Variants in RAD1 observed in about 807,000 individuals in gnomAD.
RAD1 encodes RAD1 checkpoint DNA exonuclease, also known as cell cycle checkpoint protein RAD1.
RAD1 carries 21 observed loss-of-function variants against 30.0 expected under a neutral mutation model. That is an observed-to-expected ratio of 0.70 (90% CI 0.50 to 1.01). RAD1 has a LOEUF of 1.01. Among genes scored for constraint, RAD1 ranks in the 50% least tolerant of loss-of-function variants. The pLI, the probability that RAD1 is intolerant of heterozygous loss-of-function variation, is 0.00. For missense variants in RAD1, 329 were observed against 329.0 expected, an observed-to-expected ratio of 1.00 and a Z score of 0.00; for synonymous variants, 109 against 113.6, an observed-to-expected ratio of 0.96 and a Z score of 0.26.
chr5:34,905,397 TAGC>T lies in RAD1; in HGVS notation c.*3365_*3367del, dbSNP rs1395264004. The T allele has an allele frequency of 2.0e-5, 3 of 152,226 alleles. No homozygotes were observed. Among genetic ancestry groups the T allele is most frequent in the Admixed American group, 2.0e-4 (3 of 15,288 alleles). 9.4% of individuals were successfully genotyped at this position (152,226 alleles called of 1,614,324 possible). A position where few individuals can be genotyped will look rare whatever the true frequency, so the allele number is the denominator to read the frequency against. On this transcript the variant is annotated 3_prime_UTR_variant, in exon 6 of 6. Coordinates refer to ENST00000382038, the MANE Select transcript of RAD1 (RefSeq NM_002853.4). ...TTGAGAGTGCCACATTCTGCCCTTT[TAGC>T]AATTTTAATTAATTTTTACTAGGAC...
intron 3 of RAD1, among the ~76,000 whole-genome samples, chr5:34,912,370 A>C (rs111980846): frequency 3.9e-4 from 59 of 152,352 alleles, no homozygotes; most frequent in African/African-American, 1.3e-3. Context: ...AAACCACTAG[A>C]GGGAAGGAGG....
rs1238822386 is a variant in RAD1, at chr5:34,907,515, A to AT, written c.*1249dup. The AT allele has an allele frequency of 6.6e-6, 1 of 152,334 alleles. No homozygotes were observed. Among genetic ancestry groups the AT allele is most frequent in the Non-Finnish European group, 1.5e-5 (1 of 68,030 alleles). The allele number at this position is 152,334 out of a possible 1,614,324, so 9.4% of individuals were successfully genotyped here. Reference sequence around the variant, plus strand: ...ATTTTTTCTACTAGACAGGAAGATAATTTTTGCATTTTATTAAATATATTT... The same window carrying AT: ...ATTTTTTCTACTAGACAGGAAGATAATTTTTTGCATTTTATTAAATATATTT... On this transcript the variant is annotated 3_prime_UTR_variant, in exon 6 of 6. Transcript: ENST00000382038.
chr5:34,906,143 T>C lies in RAD1; in HGVS notation c.*2622A>G, dbSNP rs1477727466. The C allele has an allele frequency of 6.6e-6, 1 of 151,686 alleles. No individual in the cohort carries two copies. The highest frequency in any genetic ancestry group is 2.4e-5 in the African/African-American group (1 of 41,284). 9.4% of individuals were successfully genotyped at this position (151,686 alleles called of 1,614,324 possible). On this transcript the variant is annotated 3_prime_UTR_variant, in exon 6 of 6. Coordinates refer to ENST00000382038, the MANE Select transcript of RAD1 (RefSeq NM_002853.4). ...CTAATTTTTGTATTTTTAGTAGAGG[T>C]AGGGGTTTCACCATGTTGGCCAGGC...
At chr5:34,914,029 G>C (rs1273413171) in intron 2 of RAD1, 9 of 456,328 alleles carry the variant, frequency 2.0e-5, no homozygotes, top group Non-Finnish European at 3.5e-5. Flanking sequence ...CCATGCCCCT[G>C]CATGAGGACA....
intron 4 of RAD1, 99 bp from the exon 5 acceptor site, chr5:34,909,455 G>T: frequency 5.3e-6 from 4 of 761,276 alleles, no homozygotes; most frequent in Non-Finnish European, 2.2e-6. Context: ...CATACTAGTG[G>T]GTGAAACAGA....
At chr5:34,912,883 C>T (rs1763896177) in intron 3 of RAD1, among the ~76,000 whole-genome samples, 1 of 152,068 alleles carries the variant, frequency 6.6e-6, no homozygotes, top group Admixed American at 6.6e-5. Context: ...TGCCTGTAAT[C>T]CCAGCTACTC....
chr5:34,913,619 TA>T, intron 2 of RAD1, 41 bp from the exon 3 acceptor site: 1 of 1,193,046 alleles, frequency 8.4e-7, no homozygotes, highest in Non-Finnish European at 1.2e-6. Flanking sequence ...CATAAAAGAA[TA>T]AAAACTAATA....
chr5:34,911,345 C>A (rs1440117434), intron 4 of RAD1, among the ~76,000 whole-genome samples: 2 of 152,120 alleles, frequency 1.3e-5, no homozygotes, highest in East Asian at 3.9e-4. Flanking sequence ...CATCTAGATG[C>A]CACCACCACC....
chr5:34,915,394 TC>T (rs1764030255), intron 1 of RAD1, 21 bp downstream of exon 1: 6 of 235,838 alleles, frequency 2.5e-5, no homozygotes, highest in Non-Finnish European at 4.9e-5. Flanking sequence ...AGTCTCGGGG[TC>T]CCCGAGTGCG....
In RAD1 at chr5:34,914,683, C is replaced by T. The variant is rs762824559; in HGVS notation, c.198+12G>A. 3.1e-6 allele frequency: 5 copies of T among 1,614,016 alleles called. No individual in the cohort carries two copies. The South Asian group carries it at 3.3e-5, about 11-fold the overall frequency. ...ATCTATGGCACAGGCTTAAAGGCGC[C>T]TACTTCCATACCTGAATAAAAGCAT... On this transcript the variant is annotated intron_variant, in intron 2 of 5. Coordinates refer to ENST00000382038, the MANE Select transcript of RAD1 (RefSeq NM_002853.4).
chr5:34,914,745 T>C lies in RAD1; in HGVS notation c.148A>G (p.Lys50Glu), dbSNP rs1472276071. The C allele has an allele frequency of 6.2e-7, 1 of 1,614,264 alleles. No homozygotes were observed. The highest frequency in any genetic ancestry group is 8.5e-7 in the Non-Finnish European group (1 of 1,180,052). Reference protein sequence around the residue: ...ATCFATKNGIKVTVENAKCVQ... With the variant: ...ATCFATKNGIEVTVENAKCVQ... ...CACTTTGCATTTTCCACTGTTACTT[T>C]GATACCATTTTTAGTTGCGAAACAC... The change falls in exon 2 of 6, where the codon AAA becomes GAA. Residue 50 changes from lysine to glutamate, a missense_variant. Lys to Glu is a moderately conservative substitution (Grantham distance 56, BLOSUM62 1). Transcript: ENST00000382038.
At chr5:34,913,633 A>G (rs1043610385) in intron 2 of RAD1, 55 bp from the exon 3 acceptor site, 2 of 1,058,866 alleles carry the variant, frequency 1.9e-6, no homozygotes, top group African/African-American at 3.2e-5. Flanking sequence ...AACTAATAAT[A>G]TAAGGTCCTA....
chr5:34,909,369 A>AGGTAATCAT lies in RAD1; in HGVS notation c.567-14_567-13insATGATTACC. 2 of 1,530,330 alleles carry AGGTAATCAT rather than the reference A, an allele frequency of 1.3e-6. No homozygotes were observed. The highest frequency in any genetic ancestry group is 1.8e-6 in the Non-Finnish European group (2 of 1,106,766). The allele number at this position is 1,530,330 out of a possible 1,614,324, so 94.8% of individuals were successfully genotyped here. A position where few individuals can be genotyped will look rare whatever the true frequency, so the allele number is the denominator to read the frequency against. ...AAAAGTAGATAACCTATAGAAAATG[A>AGGTAATCAT]TTACCTCATTTATTCATTCATCCAA... On this transcript the variant is annotated splice_polypyrimidine_tract_variant and intron_variant, in intron 4 of 5. Coordinates refer to ENST00000382038, the MANE Select transcript of RAD1 (RefSeq NM_002853.4).
chr5:34,914,256 C>T (rs1437815640), intron 2 of RAD1, among the ~76,000 whole-genome samples: 1 of 152,192 alleles, frequency 6.6e-6, no homozygotes, highest in African/African-American at 2.4e-5. Flanking sequence ...AAATATTCAG[C>T]GTTCTTATCC....
In RAD1 at chr5:34,911,738, C is replaced by T. The variant is rs754945132; in HGVS notation, c.382G>A (p.Val128Met). Residue 128 changes from valine (V) to methionine (M), a missense_variant, in exon 4 of 6, where the codon GTG (valine) becomes ATG (methionine). Transcript: ENST00000382038. ...PLMLFLEEGG[V>M]VTVCKINTQE... Reference sequence around the variant, plus strand: ...GTATTGATTTTGCAGACTGTCACCACTCCTCCTTCTTCCAGGAACAGCATC... The same window carrying T: ...GTATTGATTTTGCAGACTGTCACCATTCCTCCTTCTTCCAGGAACAGCATC... 1.4e-5 allele frequency: 23 copies of T among 1,614,056 alleles called. No homozygotes were observed. In the South Asian group the frequency reaches 2.4e-4, roughly 17 times the overall value.
At chr5:34,913,397 T>G in intron 3 of RAD1, 73 bp downstream of exon 3, 1 of 834,422 alleles carries the variant, frequency 1.2e-6, no homozygotes, top group Non-Finnish European at 1.8e-6. Context: ...ATGTTTATGT[T>G]CCAAATAACT....
chr5:34,914,470 T>C (rs762786923), intron 2 of RAD1: 4 of 555,700 alleles, frequency 7.2e-6, no homozygotes, highest in Non-Finnish European at 1.3e-5. Flanking sequence ...ATTATCTCTG[T>C]AAAACAAGAT....
chr5:34,907,564 TG>T lies in RAD1; in HGVS notation c.*1200del, dbSNP rs1381863139. ...TTATATGCCACAAAAATTATTTTAG[TG>T]ACAACTACCAGGAAAGTACAAAATC... On this transcript the variant is annotated 3_prime_UTR_variant, in exon 6 of 6. Coordinates refer to ENST00000382038, the MANE Select transcript of RAD1 (RefSeq NM_002853.4). The T allele has an allele frequency of 3.3e-5, 5 of 152,364 alleles. No individual in the cohort carries two copies. Among genetic ancestry groups the T allele is most frequent in the Admixed American group, 3.3e-4 (5 of 15,296 alleles). The allele number at this position is 152,364 out of a possible 1,614,324, so 9.4% of individuals were successfully genotyped here. A position where few individuals can be genotyped will look rare whatever the true frequency, so the allele number is the denominator to read the frequency against.
Position 34,911,573 on chromosome 5 carries a change from G to A in RAD1, c.547C>T (p.Pro183Ser), listed in dbSNP as rs79789213. Residue 183 changes from proline to serine, a missense_variant, in exon 4 of 6, where the codon CCT (proline) becomes TCT (serine). Coordinates refer to ENST00000382038, the MANE Select transcript of RAD1 (RefSeq NM_002853.4). The part of the protein sequence containing the change: ...TSEVLQITMS[P>S]DKPYFRLSTF... ...AAGTACCTGAAATAAGGCTTGTCAG[G>A]AGACATGGTAATTTGTAGGACTTCA... 6 of 1,614,066 alleles carry A rather than the reference G, an allele frequency of 3.7e-6. No individual in the cohort carries two copies. Among genetic ancestry groups the A allele is most frequent in the Non-Finnish European group, 5.1e-6 (6 of 1,180,032 alleles).
Sources: gnomAD v4.1 joint callset for allele counts (sites outside exome capture counted in the v4.1 genomes callset) on GRCh38, gnomAD v4.1.1 for gene constraint, MANE v1.5 for transcripts, NCBI Gene and HGNC (gene_info 2026-07-23, HGNC 2026-07-21) for gene names.